The following FAM120AOS variants were observed in gnomAD, a reference collection of about 807,000 sequenced individuals.
FAM120AOS encodes the protein family with sequence similarity 120 member A opposite strand, also known as uncharacterized protein FAM120AOS.
A neutral mutation model predicts 20.2 loss-of-function variants in FAM120AOS; 15 were observed. The ratio of observed to expected loss-of-function variants is 0.74; its 90% CI spans 0.50 to 1.15. FAM120AOS has a LOEUF of 1.15. Ranked by LOEUF, FAM120AOS falls within the 50% of genes most tolerant of loss-of-function variation. The pLI is 0.00. For missense variants in FAM120AOS, 327 were observed against 351.9 expected (o/e 0.93, Z 0.57); for synonymous variants, 154 against 154.0 (o/e 1.00, Z 0.00).
chr9:93,451,250 G>C (rs765560616), intron 1 of FAM120AOS: 46 of 1,507,302 alleles, frequency 3.1e-5, no homozygotes, highest in African/African-American at 4.2e-5. Flanking sequence ...CCGACGAACA[G>C]AGTGACTCGG....
In FAM120AOS at chr9:93,452,886, C is replaced by T. The variant is rs923082482; in HGVS notation, c.-177G>A. Reference sequence around the variant, plus strand: ...CTGCAAATATCAGTGCTGCTGCCGCCGCCCTTGCCAATGTTGTTAGCCCGG... The same window carrying T: ...CTGCAAATATCAGTGCTGCTGCCGCTGCCCTTGCCAATGTTGTTAGCCCGG... On this transcript the variant is annotated 5_prime_UTR_variant, in exon 1 of 3. Coordinates refer to ENST00000375412, the MANE Select transcript of FAM120AOS (RefSeq NM_198841.4). This position sits in a 1 kb window ranked among gnomAD's most constrained non-coding sequence, Gnocchi z 7.0. 35 of 1,444,214 alleles carry T rather than the reference C, an allele frequency of 2.4e-5. No individual in the cohort carries two copies. The highest frequency in any genetic ancestry group is 2.5e-4 in the Middle Eastern group (1 of 4,070). The allele number at this position is 1,444,214 out of a possible 1,614,324, so 89.5% of individuals were successfully genotyped here. A position where few individuals can be genotyped will look rare whatever the true frequency, so the allele number is the denominator to read the frequency against.
chr9:93,450,304 T>G (rs1429648805), intron 2 of FAM120AOS, among the ~76,000 whole-genome samples, 175 bp downstream of exon 2: 1 of 152,232 alleles, frequency 6.6e-6, no homozygotes, highest in Non-Finnish European at 1.5e-5. Flanking sequence ...TATTTTTAGA[T>G]AACATGTCAT....
At position 93,444,465 on chromosome 9, in the gene FAM120AOS, C is replaced by G. The variant is rs551543196; in HGVS notation, c.*3146G>C. On this transcript the variant is annotated 3_prime_UTR_variant, in exon 3 of 3. Transcript: ENST00000375412. ...TTTACCAGAATGTTTTAAGAAAGTT[C>G]CAGACTGTTTTCCCATCAGCTGTGT... is the stretch of plus-strand genomic sequence containing the variant. Among the ~76,000 whole-genome samples the G allele has an allele frequency of 6.6e-6, 1 of 152,182 alleles. No homozygotes were observed. The highest frequency in any genetic ancestry group is 1.9e-4 in the East Asian group (1 of 5,202).
chr9:93,451,531 T>TCCG (rs1027486553), intron 1 of FAM120AOS: 8 of 990,108 alleles, frequency 8.1e-6, no homozygotes, highest in Non-Finnish European at 9.6e-6. Flanking sequence ...GGCCTCCGCC[T>TCCG]CCGCCGCCGC....
rs1203923645 is a variant in FAM120AOS, at chr9:93,452,890, C to T, written c.-181G>A. 5.5e-6 allele frequency: 8 copies of T among 1,444,792 alleles called. No homozygotes were observed. Among genetic ancestry groups the T allele is most frequent in the Non-Finnish European group, 7.2e-6 (8 of 1,107,202 alleles). The allele number at this position is 1,444,792 out of a possible 1,614,324, so 89.5% of individuals were successfully genotyped here. A position where few individuals can be genotyped will look rare whatever the true frequency, so the allele number is the denominator to read the frequency against. On this transcript the variant is annotated 5_prime_UTR_variant, in exon 1 of 3. Transcript: ENST00000375412. The surrounding 1 kb of genome is among the most constrained non-coding windows in gnomAD (Gnocchi z 7.0). ...AAATATCAGTGCTGCTGCCGCCGCC[C>T]TTGCCAATGTTGTTAGCCCGGTGAC... is the stretch of plus-strand genomic sequence containing the variant.
chr9:93,447,576 C>T lies in FAM120AOS; in HGVS notation c.*35G>A. ...ATGGGTATCAGGGTGGTTTCTTGTC[C>T]TTTCAATGCCTCTGCAGAACTTGAC... On this transcript the variant is annotated 3_prime_UTR_variant, in exon 3 of 3. Transcript: ENST00000375412. 6.3e-7 allele frequency: 1 copy of T among 1,592,388 alleles called. No individual in the cohort carries two copies. The highest frequency in any genetic ancestry group is 8.6e-7 in the Non-Finnish European group (1 of 1,161,902).
rs1165818876 is a variant in FAM120AOS at position 93,445,737 on chromosome 9, C to T, written c.*1874G>A. ...TCCTGAGAAGATGGGACTACAGGTG[C>T]ACACCTCACCTGGCTAATTTTTGGA... On this transcript the variant is annotated 3_prime_UTR_variant, in exon 3 of 3. Coordinates refer to ENST00000375412, the MANE Select transcript of FAM120AOS (RefSeq NM_198841.4). Among the ~76,000 whole-genome samples, 5 of 151,966 alleles carry T rather than the reference C, an allele frequency of 3.3e-5. No individual in the cohort carries two copies. Among genetic ancestry groups the T allele is most frequent in the South Asian group, 2.1e-4 (1 of 4,816 alleles).
chr9:93,451,628 T>A, intron 1 of FAM120AOS: 1 of 979,890 alleles, frequency 1.0e-6, no homozygotes, highest in South Asian at 4.6e-5. Flanking sequence ...GCCGGGCGGG[T>A]CCGCTACGTC....
In FAM120AOS at chr9:93,445,596, T is replaced by TTG. The variant is rs1437929821; in HGVS notation, c.*2014_*2015insCA. On this transcript the variant is annotated 3_prime_UTR_variant, in exon 3 of 3. Coordinates refer to ENST00000375412, the MANE Select transcript of FAM120AOS (RefSeq NM_198841.4). ...ATAAAAATCGTTGTTTTTTTTTTTTTTTTTTTTTTTTGAGACAAGGCCTCA... is the reference window on the plus strand; with the variant it reads ...ATAAAAATCGTTGTTTTTTTTTTTTTTGTTTTTTTTTTTGAGACAAGGCCTCA... 2.8e-5 allele frequency among the ~76,000 whole-genome samples: 4 copies of TTG among 142,318 alleles called. No homozygotes were observed. The highest frequency in any genetic ancestry group is 6.0e-5 in the Non-Finnish European group (4 of 66,126). 93.4% of individuals were successfully genotyped at this position (142,318 alleles called of 152,430 possible).
At position 93,453,100 on chromosome 9, in the gene FAM120AOS, G is replaced by C; in HGVS notation, c.-391C>G. ...TCTGTGACTTCACGTCCGTGTGAAA[G>C]AGGTCTTTAAGGCAGTTCGGTTTTG... On this transcript the variant is annotated 5_prime_UTR_variant, in exon 1 of 3. Transcript: ENST00000375412. 5 of 1,051,974 alleles carry C rather than the reference G, an allele frequency of 4.8e-6. No individual in the cohort carries two copies. Among genetic ancestry groups the C allele is most frequent in the Non-Finnish European group, 5.7e-6 (5 of 872,326 alleles). 65.2% of individuals were successfully genotyped at this position (1,051,974 alleles called of 1,614,324 possible).
At chr9:93,451,116 T>C in intron 1 of FAM120AOS, 1 of 1,550,568 alleles carries the variant, frequency 6.4e-7, no homozygotes, top group Non-Finnish European at 8.7e-7. Context: ...CTCGCGCTCC[T>C]TCCTGCTCTT....
chr9:93,451,506 C>A (rs1470663019), intron 1 of FAM120AOS: 1 of 1,012,448 alleles, frequency 9.9e-7, no homozygotes. Flanking sequence ...CGGATCCCGT[C>A]CCGGCCCAAC....
Position 93,453,033 on chromosome 9 carries a change from T to A in FAM120AOS, c.-324A>T, listed in dbSNP as rs1588762131. On this transcript the variant is annotated 5_prime_UTR_variant, in exon 1 of 3. Coordinates refer to ENST00000375412, the MANE Select transcript of FAM120AOS (RefSeq NM_198841.4). ...CTTTCTATGGCTTTTTGTGTTAGAT[T>A]TCAAAGACCCGTGCACTTTGACAGG... 8.7e-6 allele frequency: 10 copies of A among 1,154,654 alleles called. No homozygotes were observed. In the East Asian group the frequency reaches 4.6e-4, roughly 53 times the overall value. 71.5% of individuals were successfully genotyped at this position (1,154,654 alleles called of 1,614,324 possible). A position where few individuals can be genotyped will look rare whatever the true frequency, so the allele number is the denominator to read the frequency against.
chr9:93,449,033 CCAT>C (rs1437080155), intron 2 of FAM120AOS, among the ~76,000 whole-genome samples: 1 of 151,344 alleles, frequency 6.6e-6, no homozygotes, highest in African/African-American at 2.4e-5. Context: ...ATTTTGCCCA[CCAT>C]CAATAGCTAC....
In FAM120AOS at chr9:93,452,809, A is replaced by C. The variant is rs1418714177; in HGVS notation, c.-100T>G. ...TTTCCCAGCAACAGGTTCATCTTGG[A>C]AGCAGGCAGGATACAGAGTAATAGA... is the stretch of plus-strand genomic sequence containing the variant. On this transcript the variant is annotated 5_prime_UTR_variant, in exon 1 of 3. Transcript: ENST00000375412. This position sits in a 1 kb window ranked among gnomAD's most constrained non-coding sequence, Gnocchi z 7.0. The C allele has an allele frequency of 6.3e-7, 1 of 1,583,782 alleles. No homozygotes were observed. The highest frequency in any genetic ancestry group is 1.3e-5 in the African/African-American group (1 of 74,320).
intron 2 of FAM120AOS, 79 bp downstream of exon 2, chr9:93,450,400 G>A: frequency 3.3e-6 from 5 of 1,493,270 alleles, no homozygotes; most frequent in Non-Finnish European, 4.5e-6. Flanking sequence ...AATACCAGCA[G>A]CATTTAATTT....
intron 1 of FAM120AOS, chr9:93,451,005 A>G: frequency 6.5e-7 from 1 of 1,541,810 alleles, no homozygotes; most frequent in Non-Finnish European, 8.8e-7. Context: ...CTGTACCTTC[A>G]GACATTATGG....
Position 93,445,061 on chromosome 9 carries a change from G to C in FAM120AOS, c.*2550C>G, listed in dbSNP as rs190089098. Reference sequence around the variant, plus strand: ...TGAGATGTTTGGGCTGACCATGAAGGGATCCATTATCTGAAGAGTGGCTTA... The same window carrying C: ...TGAGATGTTTGGGCTGACCATGAAGCGATCCATTATCTGAAGAGTGGCTTA... On this transcript the variant is annotated 3_prime_UTR_variant, in exon 3 of 3. Transcript: ENST00000375412. 9.2e-5 allele frequency among the ~76,000 whole-genome samples: 14 copies of C among 152,304 alleles called. No homozygotes were observed. Among genetic ancestry groups the C allele is most frequent in the African/African-American group, 3.1e-4 (13 of 41,564 alleles).
At position 93,452,480 on chromosome 9, in the gene FAM120AOS, C is replaced by A. The variant is rs1415107936; in HGVS notation, c.230G>T (p.Arg77Leu). 1 of 1,544,014 alleles carries A rather than the reference C, an allele frequency of 6.5e-7. No individual in the cohort carries two copies. Among genetic ancestry groups the A allele is most frequent in the Non-Finnish European group, 8.7e-7 (1 of 1,148,952 alleles). Residue 77 changes from arginine (R) to leucine (L), a missense_variant, in exon 1 of 3, where the codon CGC becomes CTC. Coordinates refer to ENST00000375412, the MANE Select transcript of FAM120AOS (RefSeq NM_198841.4). This position sits in a 1 kb window ranked among gnomAD's most constrained non-coding sequence, Gnocchi z 7.0. ...RAGGTRCPQRRHGRATFCALG... is the reference protein window; with the variant it reads ...RAGGTRCPQRLHGRATFCALG... ...GGCGCAGAATGTCGCCCGGCCGTGG[C>A]GGCGCTGGGGGCAGCGAGTTCCCCC...
Sources: allele counts gnomAD v4.1 joint callset (sites outside exome capture counted in the v4.1 genomes callset), GRCh38; gene constraint gnomAD v4.1.1; non-coding constraint Gnocchi (gnomAD v3.1); transcripts MANE v1.5; gene names NCBI Gene and HGNC (gene_info 2026-07-23, HGNC 2026-07-21).